UBE2E2: variants seen among roughly 807,000 people sequenced by gnomAD.
UBE2E2 encodes the protein ubiquitin-conjugating enzyme E2 E2.
In UBE2E2, 6 loss-of-function variants were observed where a neutral mutation model predicts 24.7. The observed-to-expected ratio is 0.24, with a 90% CI of 0.13 to 0.48. The LOEUF (loss-of-function observed/expected upper bound fraction) is 0.48, where lower values mean the gene tolerates loss of function less well. UBE2E2 is among the 20% of genes least tolerant of loss of function. UBE2E2 has a pLI of 0.99. For missense variants in UBE2E2, 169 were observed against 245.0 expected (o/e 0.69, Z 2.07); for synonymous variants, 104 against 83.6 (o/e 1.24, Z -1.33).
chr3:23,400,609 C>CAA (rs1426495024), intron 3 of UBE2E2, among the ~76,000 whole-genome samples: 9 of 94,390 alleles, frequency 9.5e-5, no homozygotes, highest in Admixed American at 8.9e-4. Context: ...ATAAATGAAA[C>CAA]ACACACACAC....
chr3:23,246,355 G>C (rs1197641016), intron 3 of UBE2E2, among the ~76,000 whole-genome samples: 5 of 151,202 alleles, frequency 3.3e-5, no homozygotes, highest in Non-Finnish European at 7.4e-5. Flanking sequence ...TGAGTAGCTG[G>C]GACTACAGGC....
chr3:23,476,732 A>G (rs1292410373), intron 3 of UBE2E2, among the ~76,000 whole-genome samples: 1 of 152,132 alleles, frequency 6.6e-6, no homozygotes, highest in African/African-American at 2.4e-5. Context: ...CTCAATCTAA[A>G]TGGTTTGATT....
At chr3:23,349,547 G>A (rs1695663890) in intron 3 of UBE2E2, among the ~76,000 whole-genome samples, 1 of 152,248 alleles carries the variant, frequency 6.6e-6, no homozygotes, top group African/African-American at 2.4e-5. Context: ...GCGCTTTTCT[G>A]ACGGGCTTAA....
rs550901157 is a variant in UBE2E2 at position 23,418,012 on chromosome 3, G to A, written c.228-81596G>A. 3.3e-5 allele frequency among the ~76,000 whole-genome samples: 5 copies of A among 152,244 alleles called. No homozygotes were observed. The South Asian group carries it at 1.0e-3, about 32-fold the overall frequency. ...GCTGGGCTCCGTGGGGGTGGGATCC[G>A]CTGAGCTAAACCACTTGGCTCCCTT... is the stretch of plus-strand genomic sequence containing the variant. On this transcript the variant is annotated intron_variant, in intron 3 of 5. Transcript: ENST00000396703.
At chr3:23,418,044 G>A (rs919628218) in intron 3 of UBE2E2, among the ~76,000 whole-genome samples, 1 of 152,112 alleles carries the variant, frequency 6.6e-6, no homozygotes, top group Admixed American at 6.5e-5. Context: ...CCTTGCTTCA[G>A]CCCCTTTTCC....
rs79449952 is a variant in UBE2E2, at chr3:23,511,698, T to A, written c.360+11958T>A. Among the ~76,000 whole-genome samples the A allele has an allele frequency of 6.2e-4, 95 of 152,324 alleles. 3 individuals carry two copies. In the East Asian group the frequency reaches 0.016, roughly 25 times the overall value. On this transcript the variant is annotated intron_variant, in intron 4 of 5. Coordinates refer to ENST00000396703, the MANE Select transcript of UBE2E2 (RefSeq NM_152653.4). ...TGACTGAAAAAACTAACAAAGCTGA[T>A]ATTTTCTCTTTTTCATTAAGTTCTC...
chr3:23,233,531 G>A (rs1697024307), intron 3 of UBE2E2, among the ~76,000 whole-genome samples: 2 of 151,958 alleles, frequency 1.3e-5, no homozygotes, highest in South Asian at 4.2e-4. Flanking sequence ...TTGTTTTTTG[G>A]ATGATATCCT....
intron 4 of UBE2E2, among the ~76,000 whole-genome samples, chr3:23,525,158 G>A (rs1330010609): frequency 3.9e-5 from 6 of 151,950 alleles, no homozygotes; most frequent in Admixed American, 6.6e-5. Context: ...CCTGATCCTC[G>A]TGCCTCTCTC....
chr3:23,574,123 G>C (rs1398294903), intron 5 of UBE2E2, among the ~76,000 whole-genome samples: 2 of 152,138 alleles, frequency 1.3e-5, no homozygotes, highest in Non-Finnish European at 2.9e-5. Context: ...GCCAGGCACA[G>C]AACGACAAGC....
chr3:23,518,009 T>TC (rs1425139960), intron 4 of UBE2E2, among the ~76,000 whole-genome samples: 3 of 152,158 alleles, frequency 2.0e-5, no homozygotes, highest in Admixed American at 6.5e-5. Flanking sequence ...TCATTCTTAT[T>TC]CCCCCTACTC....
At chr3:23,270,923 C>T (rs1255735265) in intron 3 of UBE2E2, 1 of 456,528 alleles carries the variant, frequency 2.2e-6, no homozygotes, top group Non-Finnish European at 4.4e-6. Context: ...CTGCTGACAA[C>T]TAAGTTTATA....
chr3:23,556,136 C>T (rs1029783711), intron 5 of UBE2E2, among the ~76,000 whole-genome samples: 7 of 136,004 alleles, frequency 5.1e-5, no homozygotes, highest in African/African-American at 1.6e-4. Context: ...CTTAAATATA[C>T]AAACTTTTTT....
intron 3 of UBE2E2, among the ~76,000 whole-genome samples, chr3:23,337,157 A>AT (rs1157019288): frequency 2.0e-5 from 3 of 151,656 alleles, no homozygotes; most frequent in African/African-American, 4.8e-5. Flanking sequence ...AAAAAAAAAA[A>AT]TTCAGCTGAT....
At chr3:23,306,346 AT>A (rs1280707933) in intron 3 of UBE2E2, among the ~76,000 whole-genome samples, 2 of 152,208 alleles carry the variant, frequency 1.3e-5, no homozygotes. Context: ...AAGAAATACA[AT>A]TATTTATTTA....
chr3:23,305,044 C>T (rs771270622), intron 3 of UBE2E2, among the ~76,000 whole-genome samples: 2 of 152,158 alleles, frequency 1.3e-5, no homozygotes, highest in African/African-American at 4.8e-5. Flanking sequence ...AGTAACACCA[C>T]CGATCTTAGA....
chr3:23,375,774 C>T (rs900109533), intron 3 of UBE2E2, among the ~76,000 whole-genome samples: 2 of 152,138 alleles, frequency 1.3e-5, no homozygotes, highest in Non-Finnish European at 2.9e-5. Context: ...CTAGACACTA[C>T]AAAATTTTTT....
chr3:23,469,308 C>T (rs1223352435), intron 3 of UBE2E2, among the ~76,000 whole-genome samples: 1 of 152,196 alleles, frequency 6.6e-6, no homozygotes, highest in South Asian at 2.1e-4. Flanking sequence ...CAACATTCTA[C>T]ATCAGTCATC....
At chr3:23,414,369 G>A (rs1401499010) in intron 3 of UBE2E2, among the ~76,000 whole-genome samples, 1 of 152,070 alleles carries the variant, frequency 6.6e-6, no homozygotes, top group African/African-American at 2.4e-5. Context: ...CATAGTGCTT[G>A]GTATACTGTA....
intron 3 of UBE2E2, among the ~76,000 whole-genome samples, chr3:23,497,345 A>G (rs1415970888): frequency 5.3e-5 from 8 of 152,240 alleles, no homozygotes; most frequent in African/African-American, 9.6e-5. Flanking sequence ...TTTTATGGCA[A>G]TACGCAATTT....
Sources: allele counts gnomAD v4.1 joint callset (sites outside exome capture counted in the v4.1 genomes callset), GRCh38; gene constraint gnomAD v4.1.1; transcripts MANE v1.5; gene names NCBI Gene and HGNC (gene_info 2026-07-23, HGNC 2026-07-21).